GRM3: variants seen among roughly 807,000 people sequenced by gnomAD.
The protein encoded by GRM3 is metabotropic glutamate receptor 3.
Under a neutral mutation model 70.5 loss-of-function variants are expected in GRM3, and 26 were observed. That is an observed-to-expected ratio of 0.37 (90% CI 0.27 to 0.51). GRM3 has a LOEUF of 0.51. Among genes scored for constraint, GRM3 ranks in the 20% least tolerant of loss-of-function variants. The probability of loss-of-function intolerance (pLI) is 0.93; values close to 1 mark genes in which losing one functional copy is unlikely to be tolerated. For synonymous variants in GRM3, 443 were observed against 434.9 expected (o/e 1.02, Z -0.23); for missense variants, 859 against 1,123.8 (o/e 0.76, Z 3.37).
At chr7:86,773,574 A>G (rs1438921224) in intron 2 of GRM3, among the ~76,000 whole-genome samples, 1 of 146,128 alleles carries the variant, frequency 6.8e-6, no homozygotes. Flanking sequence ...AAGTTATCTC[A>G]GACAGAATCT....
intron 3 of GRM3, among the ~76,000 whole-genome samples, chr7:86,811,499 A>G (rs1797907693): frequency 6.6e-6 from 1 of 151,768 alleles, no homozygotes; most frequent in African/African-American, 2.4e-5. Context: ...AGATGAATAG[A>G]GATGCAGCAG....
At chr7:86,850,039 T>G (rs950079579) in intron 4 of GRM3, among the ~76,000 whole-genome samples, 1 of 152,180 alleles carries the variant, frequency 6.6e-6, no homozygotes, top group African/African-American at 2.4e-5. Flanking sequence ...TTGAATATGT[T>G]TTACTATTTA....
intron 1 of GRM3, among the ~76,000 whole-genome samples, chr7:86,758,259 A>C (rs866614732): frequency 1.3e-5 from 2 of 152,182 alleles, no homozygotes; most frequent in African/African-American, 4.8e-5. Context: ...ATTGGTAAAA[A>C]TATCCTCCTA....
At chr7:86,810,856 A>C (rs756773605) in intron 3 of GRM3, among the ~76,000 whole-genome samples, 1 of 152,004 alleles carries the variant, frequency 6.6e-6, no homozygotes, top group Non-Finnish European at 1.5e-5. Flanking sequence ...AGACATATCT[A>C]CATACACACA....
chr7:86,769,461 G>A (rs1239758725), intron 2 of GRM3, among the ~76,000 whole-genome samples: 1 of 151,988 alleles, frequency 6.6e-6, no homozygotes, highest in South Asian at 2.1e-4. Flanking sequence ...TTTGTGGTTG[G>A]GTCAGTTTAG....
intron 5 of GRM3, among the ~76,000 whole-genome samples, chr7:86,855,992 G>A (rs752831874): frequency 6.6e-6 from 1 of 152,054 alleles, no homozygotes; most frequent in African/African-American, 2.4e-5. Context: ...CTGAATTGAT[G>A]GTCTTTCTTG....
intron 3 of GRM3, among the ~76,000 whole-genome samples, chr7:86,831,101 T>G (rs1174343663): frequency 6.6e-6 from 1 of 152,160 alleles, no homozygotes; most frequent in Non-Finnish European, 1.5e-5. Context: ...ACTTCTGTCA[T>G]CTCAAGCCAC....
intron 1 of GRM3, among the ~76,000 whole-genome samples, chr7:86,729,839 G>A (rs746438276): frequency 6.6e-6 from 1 of 152,188 alleles, no homozygotes; most frequent in Non-Finnish European, 1.5e-5. Context: ...CGGGCGCAGT[G>A]GCTCATGCCT....
intron 1 of GRM3, among the ~76,000 whole-genome samples, chr7:86,696,717 T>C (rs1398454388): frequency 6.6e-6 from 1 of 152,048 alleles, no homozygotes; most frequent in Non-Finnish European, 1.5e-5. Context: ...GTGGTGGTGG[T>C]GGTAGCGGTG....
chr7:86,725,886 A>C (rs182548800), intron 1 of GRM3, among the ~76,000 whole-genome samples: 5 of 152,094 alleles, frequency 3.3e-5, no homozygotes, highest in Non-Finnish European at 7.4e-5. Flanking sequence ...GAGGAAGGGG[A>C]GAAGGAGGGA....
intron 3 of GRM3, among the ~76,000 whole-genome samples, chr7:86,797,518 G>A (rs1797576901): frequency 6.6e-6 from 1 of 152,142 alleles, no homozygotes; most frequent in Non-Finnish European, 1.5e-5. Flanking sequence ...AATGTGACTT[G>A]GGTGCTGTTA....
chr7:86,647,244 A>G (rs1716151786), intron 1 of GRM3, among the ~76,000 whole-genome samples: 1 of 152,202 alleles, frequency 6.6e-6, no homozygotes, highest in Non-Finnish European at 1.5e-5. Flanking sequence ...ATGTCGAACT[A>G]TCTTTTTGCC....
chr7:86,685,245 G>T (rs1168903877), intron 1 of GRM3, among the ~76,000 whole-genome samples: 1 of 152,124 alleles, frequency 6.6e-6, no homozygotes, highest in Non-Finnish European at 1.5e-5. Context: ...GGCATACATT[G>T]TTCCCTTAAA....
At chr7:86,825,143 T>C (rs1187028914) in intron 3 of GRM3, among the ~76,000 whole-genome samples, 1 of 152,226 alleles carries the variant, frequency 6.6e-6, no homozygotes, top group African/African-American at 2.4e-5. Flanking sequence ...CTGGTGTCTC[T>C]TGTTCCCCTC....
intron 1 of GRM3, among the ~76,000 whole-genome samples, chr7:86,645,601 T>G (rs1793441343): frequency 6.6e-6 from 1 of 152,198 alleles, no homozygotes; most frequent in South Asian, 2.1e-4. Flanking sequence ...AGGATTTCAT[T>G]TAAATTTCTT....
intron 1 of GRM3, among the ~76,000 whole-genome samples, chr7:86,731,950 A>G (rs1335402160): frequency 6.6e-6 from 1 of 152,160 alleles, no homozygotes; most frequent in Non-Finnish European, 1.5e-5. Flanking sequence ...GCTTATAGGA[A>G]ATAATATGTA....
At chr7:86,708,895 G>A (rs771195754) in intron 1 of GRM3, among the ~76,000 whole-genome samples, 3 of 151,916 alleles carry the variant, frequency 2.0e-5, no homozygotes, top group Non-Finnish European at 2.9e-5. Context: ...GTGTAGGAGA[G>A]TTCCTTCACA....
In GRM3 at chr7:86,815,127, C is replaced by G. The variant is rs1015177306; in HGVS notation, c.1325-23712C>G. The stretch of plus-strand genomic sequence containing the variant: ...TGAACATGGCAGGTTCTGGCAGAAA[C>G]CTGGTGGTTAATTTCTTAGGGGGAA... On this transcript the variant is annotated intron_variant, in intron 3 of 5. Coordinates refer to ENST00000361669, the MANE Select transcript of GRM3 (RefSeq NM_000840.3). 2.6e-5 allele frequency among the ~76,000 whole-genome samples: 4 copies of G among 151,208 alleles called. No homozygotes were observed. The Admixed American group carries it at 2.6e-4, about 10-fold the overall frequency.
At chr7:86,712,134 TACTTTACCTTTG>T (rs1020322941) in intron 1 of GRM3, among the ~76,000 whole-genome samples, 1 of 152,032 alleles carries the variant, frequency 6.6e-6, no homozygotes, top group Non-Finnish European at 1.5e-5. Flanking sequence ...AAATTCTGCT[TACTTTACCTTTG>T]ACTTGCCCCT....
Sources: allele counts gnomAD v4.1 joint callset (sites outside exome capture counted in the v4.1 genomes callset), GRCh38; gene constraint gnomAD v4.1.1; transcripts MANE v1.5; gene names NCBI Gene and HGNC (gene_info 2026-07-23, HGNC 2026-07-21).